PIK3C3: variants seen among roughly 807,000 people sequenced by gnomAD.
PIK3C3 encodes the protein PI3-kinase type 3.
In PIK3C3, 95 loss-of-function variants were observed where a neutral mutation model predicts 126.1. The observed-to-expected ratio is 0.75, with a 90% CI of 0.64 to 0.89. The LOEUF (loss-of-function observed/expected upper bound fraction) is 0.89. PIK3C3 is among the 40% of genes least tolerant of loss of function. The pLI is 0.00. For missense variants in PIK3C3, 829 were observed against 1,063.2 expected, an observed-to-expected ratio of 0.78 and a Z score of 3.06; for synonymous variants, 374 against 360.0, an observed-to-expected ratio of 1.04 and a Z score of -0.44.
At chr18:41,987,228 TAAAGTTATA>T (rs982555551) in intron 4 of PIK3C3, among the ~76,000 whole-genome samples, 1 of 152,062 alleles carries the variant, frequency 6.6e-6, no homozygotes, top group Non-Finnish European at 1.5e-5. Context: ...AATGAATTAT[TAAAGTTATA>T]AAACTAAGGT....
chr18:42,000,214 G>A (rs185810695), intron 9 of PIK3C3, among the ~76,000 whole-genome samples: 29 of 152,036 alleles, frequency 1.9e-4, no homozygotes, highest in Admixed American at 4.6e-4. Flanking sequence ...CCACCACGCC[G>A]GCTAATTTTG....
In PIK3C3 at chr18:42,043,597, G is replaced by T. The variant is rs1299550374; in HGVS notation, c.2104-136G>T. ...TTTATCGCACTCTTACAATTCTTTT[G>T]TTCAGTCAGCATCTCTCATACTGTA... is the stretch of plus-strand genomic sequence containing the variant. On this transcript the variant is annotated intron_variant, in intron 19 of 24. Coordinates refer to ENST00000262039, the MANE Select transcript of PIK3C3 (RefSeq NM_002647.4). 6 of 540,968 alleles carry T rather than the reference G, an allele frequency of 1.1e-5. 1 individual carries two copies. In the South Asian group the frequency reaches 1.2e-4, roughly 11 times the overall value. 33.5% of individuals were successfully genotyped at this position (540,968 alleles called of 1,614,324 possible). A position where few individuals can be genotyped will look rare whatever the true frequency, so the allele number is the denominator to read the frequency against.
At chr18:41,990,316 A>G (rs529434976) in intron 5 of PIK3C3, 143 bp from the exon 6 acceptor site, 2 of 616,690 alleles carry the variant, frequency 3.2e-6, no homozygotes, top group Non-Finnish European at 5.8e-6. Context: ...CACTACATGT[A>G]TATAATAAAA....
At chr18:41,968,095 G>A (rs1980463973) in intron 3 of PIK3C3, among the ~76,000 whole-genome samples, 2 of 152,062 alleles carry the variant, frequency 1.3e-5, no homozygotes, top group South Asian at 2.1e-4. Flanking sequence ...TACCCTCCAC[G>A]TCCCCTATCC....
intron 15 of PIK3C3, 92 bp downstream of exon 15, chr18:42,029,533 A>ATT: frequency 2.7e-6 from 1 of 373,866 alleles, no homozygotes. Flanking sequence ...TTGATACGTG[A>ATT]ATTTTTTTTT....
At chr18:42,030,341 G>A (rs542630554) in intron 15 of PIK3C3, among the ~76,000 whole-genome samples, 119 of 152,070 alleles carry the variant, frequency 7.8e-4, no homozygotes, top group Non-Finnish European at 1.5e-3. Context: ...AGTTCTTCAC[G>A]TGACATTTTT....
rs777154160 is a variant in PIK3C3, at chr18:41,957,718, C to G, written c.217C>G (p.Pro73Ala). Residue 73 changes from proline (P) to alanine (A), a missense_variant, in exon 2 of 25, where the codon CCA (proline) becomes GCA (alanine). Transcript: ENST00000262039. Reference sequence around the variant, plus strand: ...TGCAGAAGGGAAGCCTTTGGCCTTGCCAGTGAGAACATCCTACAAAGCATT... The same window carrying G: ...TGCAGAAGGGAAGCCTTTGGCCTTGGCAGTGAGAACATCCTACAAAGCATT... ...VFAEGKPLAL[P>A]VRTSYKAFST... 15 of 1,613,056 alleles carry G rather than the reference C, an allele frequency of 9.3e-6. No individual in the cohort carries two copies. Among genetic ancestry groups the G allele is most frequent in the African/African-American group, 4.0e-5 (3 of 74,846 alleles).
chr18:41,997,994 A>G (rs16975521), intron 9 of PIK3C3, among the ~76,000 whole-genome samples: 5,500 of 152,186 alleles, frequency 0.036, 322 homozygotes, highest in African/African-American at 0.12. Context: ...GAATGAATGG[A>G]TATGTTTTAT....
intron 22 of PIK3C3, among the ~76,000 whole-genome samples, chr18:42,061,916 T>C (rs1985331805): frequency 6.6e-6 from 1 of 152,166 alleles, no homozygotes; most frequent in Non-Finnish European, 1.5e-5. Context: ...CAGATTTTTT[T>C]TTTTTTAACA....
At chr18:42,079,314 A>C (rs1210443909) in intron 24 of PIK3C3, among the ~76,000 whole-genome samples, 1 of 152,228 alleles carries the variant, frequency 6.6e-6, no homozygotes, top group African/African-American at 2.4e-5. Context: ...CAGTTGGTGG[A>C]GTAGTCAGAA....
At chr18:42,026,199 C>T (rs1049385012) in intron 13 of PIK3C3, 1 of 152,146 alleles carries the variant, frequency 6.6e-6, no homozygotes, top group Non-Finnish European at 1.5e-5. Flanking sequence ...GTCATACCAC[C>T]ATAGACAAGA....
intron 19 of PIK3C3, among the ~76,000 whole-genome samples, chr18:42,041,605 G>A (rs2469471): frequency 0.081 from 12,023 of 148,988 alleles, 1,616 homozygotes; most frequent in African/African-American, 0.28. Flanking sequence ...AAAAAAAAAG[G>A]TATGTAATTA....
At chr18:41,958,693 G>A (rs1235753396) in intron 2 of PIK3C3, among the ~76,000 whole-genome samples, 2 of 151,910 alleles carry the variant, frequency 1.3e-5, no homozygotes, top group African/African-American at 2.4e-5. Flanking sequence ...ATATATATAT[G>A]TGTGTATATA....
At chr18:41,982,740 CT>C (rs1981268452) in intron 4 of PIK3C3, among the ~76,000 whole-genome samples, 1 of 152,078 alleles carries the variant, frequency 6.6e-6, no homozygotes, top group Admixed American at 6.6e-5. Context: ...GGTTTATATG[CT>C]TTCAGTAAAT....
chr18:41,957,466 AT>A, intron 1 of PIK3C3, 103 bp from the exon 2 acceptor site: 1 of 1,103,378 alleles, frequency 9.1e-7, no homozygotes. Context: ...ACTTATGCAT[AT>A]ATGTACATGC....
At position 42,049,895 on chromosome 18, in the gene PIK3C3, C is replaced by T. The variant is rs191039120; in HGVS notation, c.2263+290C>T. On this transcript the variant is annotated intron_variant, in intron 21 of 24. Transcript: ENST00000262039. ...GGCTGAGGCAGGAGAATCGCTTGAA[C>T]CCGGGAGGCGGAGGTTGCAGTGAGC... The T allele has an allele frequency of 2.4e-3, 487 of 203,376 alleles. 7 individuals are homozygous for T. The Admixed American group carries it at 0.025, about 10-fold the overall frequency. The allele number at this position is 203,376 out of a possible 1,614,324, so 12.6% of individuals were successfully genotyped here. A position where few individuals can be genotyped will look rare whatever the true frequency, so the allele number is the denominator to read the frequency against.
rs138095488 is a variant in PIK3C3 at position 42,022,178 on chromosome 18, T to C, written c.1484+1473T>C. On this transcript the variant is annotated intron_variant, in intron 13 of 24. Coordinates refer to ENST00000262039, the MANE Select transcript of PIK3C3 (RefSeq NM_002647.4). Reference sequence around the variant, plus strand: ...ATTGTACTTTAAGTTTTAGGGTACATGTGCACAACGTGCAGGTTTGTTACA... The same window carrying C: ...ATTGTACTTTAAGTTTTAGGGTACACGTGCACAACGTGCAGGTTTGTTACA... 2.1e-3 allele frequency among the ~76,000 whole-genome samples: 327 copies of C among 152,288 alleles called. 1 individual carries two copies. The highest frequency in any genetic ancestry group is 3.3e-3 in the Non-Finnish European group (227 of 68,018).
intron 2 of PIK3C3, among the ~76,000 whole-genome samples, chr18:41,962,020 G>T (rs931284540): frequency 1.3e-5 from 2 of 152,104 alleles, no homozygotes; most frequent in African/African-American, 2.4e-5. Flanking sequence ...ATGTGATAAA[G>T]GTAGTAGATT....
intron 10 of PIK3C3, among the ~76,000 whole-genome samples, chr18:42,008,625 A>C (rs1982660969): frequency 6.6e-6 from 1 of 152,070 alleles, no homozygotes; most frequent in Admixed American, 6.6e-5. Flanking sequence ...ATCTAGTAAA[A>C]ATTTCATAGC....
Sources: gnomAD v4.1 joint callset for allele counts (sites outside exome capture counted in the v4.1 genomes callset) on GRCh38, gnomAD v4.1.1 for gene constraint, MANE v1.5 for transcripts, NCBI Gene and HGNC (gene_info 2026-07-23, HGNC 2026-07-21) for gene names.